PTPRZ1: variants seen among roughly 807,000 people sequenced by gnomAD.
PTPRZ1 encodes protein tyrosine phosphatase receptor type Z1, also known as receptor-type tyrosine-protein phosphatase zeta.
A neutral mutation model predicts 214.1 loss-of-function variants in PTPRZ1; 82 were observed. The ratio of observed to expected loss-of-function variants is 0.38; its 90% CI spans 0.32 to 0.46. The LOEUF is 0.46. Among genes scored for constraint, PTPRZ1 ranks in the 20% least tolerant of loss-of-function variants. The probability of loss-of-function intolerance (pLI) is 1.00; values close to 1 mark genes in which losing one functional copy is unlikely to be tolerated. For missense variants in PTPRZ1, 2,603 were observed against 2,748.7 expected (o/e 0.95, Z 1.19); for synonymous variants, 945 against 987.9 (o/e 0.96, Z 0.81).
At chr7:122,057,622 A>G (rs1315882473) in intron 27 of PTPRZ1, among the ~76,000 whole-genome samples, 1 of 145,268 alleles carries the variant, frequency 6.9e-6, no homozygotes, top group Non-Finnish European at 1.5e-5. Context: ...TTGGGATTTG[A>G]ATTTTTTACT....
intron 18 of PTPRZ1, among the ~76,000 whole-genome samples, chr7:122,037,301 G>T (rs1027489153): frequency 6.6e-6 from 1 of 152,110 alleles, no homozygotes; most frequent in Non-Finnish European, 1.5e-5. Context: ...TGAAGGGCAG[G>T]GCCAAGGCTT....
At chr7:121,958,356 T>C (rs539613981) in intron 2 of PTPRZ1, among the ~76,000 whole-genome samples, 14 of 152,338 alleles carry the variant, frequency 9.2e-5, no homozygotes, top group African/African-American at 3.4e-4. Flanking sequence ...CATGTTTCTA[T>C]GACTTTCATG....
chr7:121,881,029 T>G (rs914076166), intron 1 of PTPRZ1, among the ~76,000 whole-genome samples: 21 of 152,204 alleles, frequency 1.4e-4, no homozygotes, highest in African/African-American at 5.1e-4. Context: ...GTTTGTGTCC[T>G]CTCCAAAATT....
intron 14 of PTPRZ1, among the ~76,000 whole-genome samples, chr7:122,029,827 G>A (rs1799322257): frequency 6.6e-6 from 1 of 151,620 alleles, no homozygotes; most frequent in African/African-American, 2.4e-5. Flanking sequence ...TAGGAATTGT[G>A]TTTGCTATTT....
At chr7:121,904,251 T>A (rs1011475634) in intron 1 of PTPRZ1, among the ~76,000 whole-genome samples, 4 of 151,904 alleles carry the variant, frequency 2.6e-5, no homozygotes, top group African/African-American at 9.7e-5. Context: ...GATTGAGCCG[T>A]TTTTCAAGTA....
intron 12 of PTPRZ1, among the ~76,000 whole-genome samples, chr7:122,017,281 G>A (rs1299538555): frequency 6.6e-6 from 1 of 152,106 alleles, no homozygotes; most frequent in Non-Finnish European, 1.5e-5. Context: ...GTGACTAGAT[G>A]ATTCTAAATG....
At position 121,965,111 on chromosome 7, in the gene PTPRZ1, C is replaced by T. The variant is rs568685284; in HGVS notation, c.125-2840C>T. ...GAGTTGAATTGGTTTTCTTTTGCTG[C>T]ATAACAAATTACTACAAATTTACCA... is the stretch of plus-strand genomic sequence containing the variant. On this transcript the variant is annotated intron_variant, in intron 2 of 29. Coordinates refer to ENST00000393386, the MANE Select transcript of PTPRZ1 (RefSeq NM_002851.3). Among the ~76,000 whole-genome samples the T allele has an allele frequency of 9.2e-5, 14 of 152,278 alleles. 1 individual carries two copies. The highest frequency in any genetic ancestry group is 8.3e-4 in the South Asian group (4 of 4,824).
At chr7:121,969,063 A>G (rs573924766) in intron 3 of PTPRZ1, among the ~76,000 whole-genome samples, 48 of 150,820 alleles carry the variant, frequency 3.2e-4, no homozygotes, top group African/African-American at 1.2e-3. Context: ...TATGGCAAAA[A>G]CCCATCTCTA....
chr7:122,059,957 A>AATCTTATGTATCAAGAAAG (rs1463137673), intron 29 of PTPRZ1, 69 bp downstream of exon 29: 1 of 1,448,526 alleles, frequency 6.9e-7, no homozygotes, highest in African/African-American at 1.4e-5. Flanking sequence ...AGGCTGCTGA[A>AATCTTATGTATCAAGAAAG]ATCTTATGTA....
At chr7:122,043,318 A>G (rs1463379883) in intron 22 of PTPRZ1, among the ~76,000 whole-genome samples, 1 of 152,222 alleles carries the variant, frequency 6.6e-6, no homozygotes, top group Non-Finnish European at 1.5e-5. Context: ...CAGAGAAGAT[A>G]CAGCAAAAGT....
chr7:121,979,820 A>G (rs1797548872), intron 6 of PTPRZ1, among the ~76,000 whole-genome samples: 1 of 152,196 alleles, frequency 6.6e-6, no homozygotes. Context: ...TCTCAAGCCA[A>G]CAAAACAAAA....
At chr7:122,014,028 C>T (rs1798772112) in intron 12 of PTPRZ1, 139 bp downstream of exon 12, 3 of 685,894 alleles carry the variant, frequency 4.4e-6, no homozygotes, top group Non-Finnish European at 6.9e-6. Context: ...ACAAATCAGT[C>T]TCCAGTTTCT....
intron 3 of PTPRZ1, among the ~76,000 whole-genome samples, chr7:121,968,890 T>G (rs1797127851): frequency 6.6e-6 from 1 of 152,174 alleles, no homozygotes; most frequent in African/African-American, 2.4e-5. Context: ...TTTTTTATAT[T>G]TTCTATATTT....
Position 122,031,537 on chromosome 7 carries a change from G to A in PTPRZ1, c.5144G>A (p.Ser1715Asn). 1 of 1,609,074 alleles carries A rather than the reference G, an allele frequency of 6.2e-7. No homozygotes were observed. The highest frequency in any genetic ancestry group is 1.1e-5 in the South Asian group (1 of 90,206). ...CATGTTGCAGATTTACATGCAAGTA[G>A]TGGGTTTACTGAAGAATTTGAGGTA... Reference protein sequence around the residue: ...PKHVADLHASSGFTEEFETLK... With the variant: ...PKHVADLHASNGFTEEFETLK... The change falls in exon 15 of 30, where the codon AGT becomes AAT. Residue 1715 changes from serine to asparagine, a missense_variant. Coordinates refer to ENST00000393386, the MANE Select transcript of PTPRZ1 (RefSeq NM_002851.3).
chr7:121,957,054 G>A (rs1721859), intron 2 of PTPRZ1, among the ~76,000 whole-genome samples: 93,922 of 152,116 alleles, frequency 0.62, 29,591 homozygotes, highest in African/African-American at 0.73. Context: ...TCAAAAATGC[G>A]CACACTTCGC....
intron 1 of PTPRZ1, among the ~76,000 whole-genome samples, chr7:121,887,813 C>T (rs1270356094): frequency 2.6e-5 from 4 of 151,990 alleles, no homozygotes; most frequent in East Asian, 1.9e-4. Context: ...CCTGTCAAGC[C>T]GGGGTTTTAA....
At chr7:121,981,989 T>C (rs1344109404) in intron 6 of PTPRZ1, among the ~76,000 whole-genome samples, 2 of 152,204 alleles carry the variant, frequency 1.3e-5, no homozygotes, top group African/African-American at 4.8e-5. Context: ...TAGGTTATGA[T>C]GATAATTTTT....
At chr7:121,956,221 C>A (rs1280726324) in intron 2 of PTPRZ1, among the ~76,000 whole-genome samples, 1 of 151,910 alleles carries the variant, frequency 6.6e-6, no homozygotes, top group Non-Finnish European at 1.5e-5. Context: ...AAAAGTTAAA[C>A]CAAAAATACA....
intron 25 of PTPRZ1, among the ~76,000 whole-genome samples, chr7:122,052,916 C>T (rs752639451): frequency 2.6e-5 from 4 of 152,092 alleles, no homozygotes; most frequent in Non-Finnish European, 5.9e-5. Context: ...TTTAATGAAA[C>T]TGTTCAAGTT....
Sources: gnomAD v4.1 joint callset for allele counts (sites outside exome capture counted in the v4.1 genomes callset) on GRCh38, gnomAD v4.1.1 for gene constraint, MANE v1.5 for transcripts, NCBI Gene and HGNC (gene_info 2026-07-23, HGNC 2026-07-21) for gene names.